REPS2: variants seen among roughly 807,000 people sequenced by gnomAD.
REPS2 encodes the protein ralBP1-associated Eps domain-containing protein 2.
Under a neutral mutation model 53.6 loss-of-function variants are expected in REPS2, and 23 were observed. The ratio of observed to expected loss-of-function variants is 0.43; its 90% confidence interval spans 0.31 to 0.61. The LOEUF is 0.61. Among genes scored for constraint, REPS2 ranks in the 20% least tolerant of loss-of-function variants. REPS2 has a pLI of 0.11. For missense variants in REPS2, 446 were observed against 534.9 expected (o/e 0.83, Z 1.64); for synonymous variants, 238 against 218.6 (o/e 1.09, Z -0.78).
chrX:17,029,603 C>G lies in REPS2; in HGVS notation c.751C>G (p.His251Asp). 8.3e-7 allele frequency: 1 copy of G among 1,205,818 alleles called. No homozygotes were observed. The highest frequency in any genetic ancestry group is 1.8e-5 in the South Asian group (1 of 56,839). The change falls in exon 5 of 18, where the codon CAT becomes GAT. Residue 251 changes from histidine to aspartate, a missense_variant. Coordinates refer to ENST00000357277, the MANE Select transcript of REPS2 (RefSeq NM_004726.3). ...GGGCCCAGGAACCAAGCCCCTTCGG[C>G]ATCAGGCTTCCCTTATCCGGGTAAG... ...SGGPGTKPLRHQASLIRSFSV... is the reference protein window; with the variant it reads ...SGGPGTKPLRDQASLIRSFSV...
the REPS2 span, among the ~76,000 whole-genome samples, chrX:17,159,761 T>C: frequency 1.8e-5 from 2 of 111,358 alleles, no homozygotes; most frequent in South Asian, 3.8e-4. Flanking sequence ...GTGCTGAACA[T>C]TGGGAAATAG....
chrX:16,992,416 G>A (rs1274484886), intron 1 of REPS2, among the ~76,000 whole-genome samples: 1 of 112,073 alleles, frequency 8.9e-6, no homozygotes, highest in Non-Finnish European at 1.9e-5. Flanking sequence ...AACAAACTAA[G>A]ACATGGAGTA....
chrX:16,978,498 CT>C (rs1183006746), intron 1 of REPS2: 33 of 683,616 alleles, frequency 4.8e-5, no homozygotes, highest in Non-Finnish European at 5.4e-5. Flanking sequence ...CTTGTGTTTC[CT>C]TTTTTTCTTT....
intron 17 of REPS2, among the ~76,000 whole-genome samples, chrX:17,146,317 G>T (rs1488987125): frequency 1.8e-5 from 2 of 109,639 alleles, no homozygotes; most frequent in East Asian, 5.7e-4. Context: ...CGCTCCTCAG[G>T]GCCTTTGCAG....
intron 1 of REPS2, among the ~76,000 whole-genome samples, chrX:16,997,675 T>C (rs1385511791): frequency 8.9e-6 from 1 of 112,622 alleles, no homozygotes; most frequent in African/African-American, 3.2e-5. Flanking sequence ...AGGTGCATAA[T>C]AAAAACATCT....
At chrX:17,071,840 C>A (rs2062311095) in intron 11 of REPS2, among the ~76,000 whole-genome samples, 1 of 112,092 alleles carries the variant, frequency 8.9e-6, no homozygotes, top group Non-Finnish European at 1.9e-5. Context: ...CAGTCCTTTT[C>A]CCTCTTTCCA....
intron 1 of REPS2, among the ~76,000 whole-genome samples, chrX:16,978,190 G>C (rs974503069): frequency 8.9e-6 from 1 of 112,063 alleles, no homozygotes; most frequent in Non-Finnish European, 1.9e-5. Context: ...GGGTAGAAAA[G>C]TGAAAGAAAG....
intron 13 of REPS2, among the ~76,000 whole-genome samples, chrX:17,090,969 T>C (rs980826815): frequency 1.8e-5 from 2 of 112,347 alleles, no homozygotes; most frequent in Non-Finnish European, 3.8e-5. Context: ...CCCAGCACTA[T>C]TTGTCAAAAA....
chrX:17,172,032 C>A, the REPS2 span, among the ~76,000 whole-genome samples: 1 of 111,490 alleles, frequency 9.0e-6, no homozygotes, highest in Non-Finnish European at 1.9e-5. Flanking sequence ...CTTATTGAGT[C>A]CCCATGATAC....
rs187141780 is a variant in REPS2 at position 17,019,660 on chromosome X, C to T, written c.398-2463C>T. On this transcript the variant is annotated intron_variant, in intron 2 of 17. Transcript: ENST00000357277. ...GCAATATAGCAAGACCCCATCTTTA[C>T]GAAAAATAAAAAAAGAAATTAGCCA... Among the ~76,000 whole-genome samples, 178 of 110,078 alleles carry T rather than the reference C, an allele frequency of 1.6e-3. 1 individual carries two copies. Among genetic ancestry groups the T allele is most frequent in the South Asian group, 2.7e-3 (7 of 2,562 alleles).
chrX:16,947,396 C>T (rs1053649178), intron 1 of REPS2, among the ~76,000 whole-genome samples: 48 of 112,150 alleles, frequency 4.3e-4, no homozygotes, highest in African/African-American at 1.5e-3. Context: ...TCTCTCCCCT[C>T]CCCCGGCCAT....
intron 5 of REPS2, among the ~76,000 whole-genome samples, chrX:17,039,952 T>TGC (rs2061811022): frequency 8.9e-6 from 1 of 112,778 alleles, no homozygotes; most frequent in Non-Finnish European, 1.9e-5. Flanking sequence ...AAAGTATAGC[T>TGC]TATTGTAATA....
chrX:17,100,267 C>T (rs1197931238), intron 13 of REPS2: 1 of 567,464 alleles, frequency 1.8e-6, no homozygotes, highest in Non-Finnish European at 3.2e-6. Flanking sequence ...ATTCCTGTTC[C>T]TCCTCTTCTA....
chrX:17,049,825 G>C (rs1209489992), intron 6 of REPS2, among the ~76,000 whole-genome samples: 1 of 110,887 alleles, frequency 9.0e-6, no homozygotes, highest in East Asian at 2.9e-4. Context: ...AGTCAAGAAG[G>C]TTAAAATAAA....
the REPS2 span, among the ~76,000 whole-genome samples, chrX:17,178,841 A>G: frequency 9.2e-6 from 1 of 108,801 alleles, no homozygotes; most frequent in African/African-American, 3.4e-5. Flanking sequence ...TGGAGGTTGC[A>G]TTGAGCTGAG....
chrX:17,100,324 T>C, intron 13 of REPS2: 2 of 529,736 alleles, frequency 3.8e-6, no homozygotes, highest in Non-Finnish European at 6.8e-6. Context: ...CCATAGCGTG[T>C]GTGTAAAGGG....
chrX:17,143,486 G>T (rs1306312516), intron 17 of REPS2, among the ~76,000 whole-genome samples: 2 of 108,889 alleles, frequency 1.8e-5, no homozygotes, highest in Non-Finnish European at 3.8e-5. Context: ...AGTTCTGAAG[G>T]GTTTTTTATT....
At chrX:16,951,626 G>A (rs1246909262) in intron 1 of REPS2, among the ~76,000 whole-genome samples, 2 of 109,906 alleles carry the variant, frequency 1.8e-5, no homozygotes, top group Non-Finnish European at 3.8e-5. Context: ...TGAGGTGGGA[G>A]GATCCCTTGA....
chrX:16,983,801 G>A (rs1430682710), intron 1 of REPS2, among the ~76,000 whole-genome samples: 1 of 112,625 alleles, frequency 8.9e-6, no homozygotes, highest in Non-Finnish European at 1.9e-5. Flanking sequence ...CACCATGCCC[G>A]GCCCTCCATT....
Sources: allele counts gnomAD v4.1 joint callset (sites outside exome capture counted in the v4.1 genomes callset), GRCh38; gene constraint gnomAD v4.1.1; transcripts MANE v1.5; gene names NCBI Gene and HGNC (gene_info 2026-07-23, HGNC 2026-07-21).